ABCA10: variants seen among roughly 807,000 people sequenced by gnomAD.
ABCA10 encodes ATP-binding cassette sub-family A member 10.
Under a neutral mutation model 187.5 loss-of-function variants are expected in ABCA10, and 169 were observed. The observed-to-expected ratio is 0.90, with a 90% CI of 0.80 to 1.02. The LOEUF (loss-of-function observed/expected upper bound fraction) is 1.02. Ranked by LOEUF, ABCA10 falls within the 50% of genes least tolerant of loss-of-function variation. The probability of loss-of-function intolerance (pLI) is 0.00; values close to 1 mark genes in which losing one functional copy is unlikely to be tolerated. For synonymous variants in ABCA10, 574 were observed against 601.8 expected (o/e 0.95, Z 0.68); for missense variants, 1,727 against 1,812.4 (o/e 0.95, Z 0.86).
intron 9 of ABCA10, among the ~76,000 whole-genome samples, chr17:69,211,342 TATATATATATATATATATAC>T (rs775773570): frequency 0.54 from 68,357 of 125,660 alleles, 17,862 homozygotes; most frequent in Middle Eastern, 0.56. Flanking sequence ...TATATATATA[TATATATATATATATATATAC>T]ACACACACCA....
rs775945467 is a variant in ABCA10 at position 69,228,752 on chromosome 17, C to A, written c.-484G>T. Reference sequence around the variant, plus strand: ...AGCCATGGTCTGTGTGTAGAACATGCCAACAAATTCTGTTGGTTTTTTCCC... The same window carrying A: ...AGCCATGGTCTGTGTGTAGAACATGACAACAAATTCTGTTGGTTTTTTCCC... On this transcript the variant is annotated 5_prime_UTR_variant, in exon 1 of 39. Transcript: ENST00000690296. 6.6e-6 allele frequency: 1 copy of A among 151,884 alleles called. No individual in the cohort carries two copies. The highest frequency in any genetic ancestry group is 1.5e-5 in the Non-Finnish European group (1 of 67,888). 9.4% of individuals were successfully genotyped at this position (151,884 alleles called of 1,614,324 possible). A position where few individuals can be genotyped will look rare whatever the true frequency, so the allele number is the denominator to read the frequency against.
intron 27 of ABCA10, among the ~76,000 whole-genome samples, chr17:69,158,057 A>G (rs2074187652): frequency 6.6e-6 from 1 of 151,998 alleles, no homozygotes; most frequent in African/African-American, 2.4e-5. Flanking sequence ...ACTAGAAACA[A>G]ACAAAAGACA....
chr17:69,234,829 T>A (rs926533140), intron 1 of ABCA10: 2 of 152,354 alleles, frequency 1.3e-5, no homozygotes, highest in East Asian at 1.9e-4. Flanking sequence ...TTAATTACCA[T>A]TTTTAATGCT....
chr17:69,209,892 A>G (rs2074625133), intron 9 of ABCA10, among the ~76,000 whole-genome samples: 1 of 152,184 alleles, frequency 6.6e-6, no homozygotes, highest in South Asian at 2.1e-4. Flanking sequence ...ATATCTAAAC[A>G]TAGAAAAGGT....
intron 8 of ABCA10, among the ~76,000 whole-genome samples, 178 bp from the exon 9 acceptor site, chr17:69,215,029 C>T (rs2074693473): frequency 6.6e-6 from 1 of 151,852 alleles, no homozygotes; most frequent in African/African-American, 2.4e-5. Flanking sequence ...AGTATTCTCA[C>T]AAAATTTTAA....
Position 69,193,567 on chromosome 17 carries a change from T to C in ABCA10, c.1567A>G (p.Ile523Val). 2 of 1,612,400 alleles carry C rather than the reference T, an allele frequency of 1.2e-6. No homozygotes were observed. Among genetic ancestry groups the C allele is most frequent in the East Asian group, 2.2e-5 (1 of 44,792 alleles). ...MELDMQSIQD[I>V]IAKKLSGGQK... The stretch of plus-strand genomic sequence containing the variant: ...CCACCACTTAATTTTTTAGCAATAA[T>C]GTCTTGAATGCTTTGCATGTCTAAT... Residue 523 changes from isoleucine to valine, a missense_variant, in exon 14 of 39, where the codon ATT (isoleucine) becomes GTT (valine). By Grantham distance (29) the Ile-to-Val change is conservative (BLOSUM62 3). Coordinates refer to ENST00000690296, the MANE Select transcript of ABCA10 (RefSeq NM_001377321.1).
intron 37 of ABCA10, chr17:69,149,401 T>C (rs192542860): frequency 2.4e-5 from 7 of 288,192 alleles, no homozygotes; most frequent in Non-Finnish European, 3.9e-5. Context: ...TATTTGTAAA[T>C]CTACAGAGGA....
chr17:69,215,715 CA>C, intron 8 of ABCA10, 99 bp downstream of exon 8: 8 of 1,158,472 alleles, frequency 6.9e-6, no homozygotes, highest in Non-Finnish European at 9.1e-6. Context: ...TCTTAAAACA[CA>C]GAGTGGCTGA....
chr17:69,174,074 C>T (rs774144501), intron 25 of ABCA10, among the ~76,000 whole-genome samples: 3 of 151,770 alleles, frequency 2.0e-5, no homozygotes, highest in Admixed American at 1.3e-4. Context: ...AAAAAGAAAC[C>T]TCAAAGAACA....
rs538026312 is a variant in ABCA10 at position 69,163,404 on chromosome 17, G to C, written c.3363+670C>G. ...GCAATGAACATATATTCCCCAGCTG[G>C]ACAACTGTATGCCTTTAGAATTCAA... On this transcript the variant is annotated intron_variant, in intron 27 of 38. Transcript: ENST00000690296. Among the ~76,000 whole-genome samples the C allele has an allele frequency of 4.6e-5, 7 of 152,202 alleles. No individual in the cohort carries two copies. In the South Asian group the frequency reaches 1.2e-3, roughly 27 times the overall value.
At position 69,219,809 on chromosome 17, in the gene ABCA10, T is replaced by C. The variant is rs758762273; in HGVS notation, c.304-38A>G. On this transcript the variant is annotated intron_variant, in intron 5 of 38. Coordinates refer to ENST00000690296, the MANE Select transcript of ABCA10 (RefSeq NM_001377321.1). Reference sequence around the variant, plus strand: ...ATTAGCAAATTTATTATGTGAACTATAGACAAAATATATTAGAAAACTATA... The same window carrying C: ...ATTAGCAAATTTATTATGTGAACTACAGACAAAATATATTAGAAAACTATA... The C allele has an allele frequency of 1.0e-5, 14 of 1,340,712 alleles. No individual in the cohort carries two copies. The Admixed American group carries it at 2.7e-4, about 25-fold the overall frequency. The allele number at this position is 1,340,712 out of a possible 1,614,324, so 83.1% of individuals were successfully genotyped here.
rs150652931 is a variant in ABCA10 at position 69,218,693 on chromosome 17, G to GCTCT, written c.530+851_530+852insAGAG. 9.2e-3 allele frequency among the ~76,000 whole-genome samples: 1,398 copies of GCTCT among 152,250 alleles called. 15 individuals carry two copies. The highest frequency in any genetic ancestry group is 0.031 in the African/African-American group (1,285 of 41,528). ...TAAATGCATAGACTATATAGATGGAGAGAGATGTCTTTTACCATGCACTAA... is the reference window on the plus strand; with the variant it reads ...TAAATGCATAGACTATATAGATGGAGCTCTAGAGATGTCTTTTACCATGCACTAA... On this transcript the variant is annotated intron_variant, in intron 6 of 38. Transcript: ENST00000690296.
chr17:69,164,936 T>C, intron 26 of ABCA10, 28 bp downstream of exon 26: 1 of 1,609,362 alleles, frequency 6.2e-7, no homozygotes, highest in Non-Finnish European at 8.5e-7. Context: ...AGGTCAAGAC[T>C]GGAGACACAG....
intron 27 of ABCA10, among the ~76,000 whole-genome samples, chr17:69,162,865 GTC>G (rs1387727646): frequency 1.8e-5 from 1 of 54,262 alleles, no homozygotes; most frequent in Non-Finnish European, 4.3e-5. Context: ...ATGAGACGGA[GTC>G]TCTCTCTGTT....
In ABCA10 at chr17:69,193,174, C is replaced by T. The variant is rs1307155079; in HGVS notation, c.1716G>A (p.Glu572=). The T allele has an allele frequency of 6.2e-7, 1 of 1,613,994 alleles. No homozygotes were observed. Among genetic ancestry groups the T allele is most frequent in the African/African-American group, 1.3e-5 (1 of 74,936 alleles). Residue 572 remains glutamate, a synonymous_variant, in exon 15 of 39, where the codon GAG becomes GAA. Transcript: ENST00000690296. Reference sequence around the variant, plus strand: ...AGAGGATAAGTCGGTCTACTTTATGCTCCTTCAGGAGGCTCCACACTCGGT... The same window carrying T: ...AGAGGATAAGTCGGTCTACTTTATGTTCCTTCAGGAGGCTCCACACTCGGT... ...SRHRVWSLLK[E]HKVDRLILFS... is the part of the protein sequence containing the mutation.
intron 25 of ABCA10, among the ~76,000 whole-genome samples, chr17:69,168,577 A>G (rs1481444458): frequency 1.3e-5 from 2 of 152,236 alleles, no homozygotes; most frequent in South Asian, 2.1e-4. Flanking sequence ...GATACAAAAC[A>G]CTTTGTTAAA....
At chr17:69,188,555 A>G (rs1173565631) in intron 18 of ABCA10, among the ~76,000 whole-genome samples, 1 of 150,828 alleles carries the variant, frequency 6.6e-6, no homozygotes. Context: ...ACATGGGTAA[A>G]CTGTGTGTCA....
chr17:69,153,385 C>G lies in ABCA10; in HGVS notation c.4056G>C (p.Leu1352=), dbSNP rs938654051. 9 of 1,613,598 alleles carry G rather than the reference C, an allele frequency of 5.6e-6. No individual in the cohort carries two copies. The highest frequency in any genetic ancestry group is 6.8e-6 in the Non-Finnish European group (8 of 1,179,768). ...CCACTGATGGGTTCCCCAGGATGCT[C>G]AGCACAAAGCACAGCTGCAATGCAA... is the stretch of plus-strand genomic sequence containing the variant. ...EGIKRKLCFV[L]SILGNPSVVL... is the part of the protein sequence containing the mutation. The change falls in exon 34 of 39, where the codon CTG becomes CTC. Residue 1352 remains leucine, a synonymous_variant. Coordinates refer to ENST00000690296, the MANE Select transcript of ABCA10 (RefSeq NM_001377321.1).
chr17:69,219,144 G>T (rs1284136413), intron 6 of ABCA10, among the ~76,000 whole-genome samples: 1 of 152,082 alleles, frequency 6.6e-6, no homozygotes, highest in Non-Finnish European at 1.5e-5. Flanking sequence ...TAGCCTACTG[G>T]CCCAAGAAGG....
Sources: gnomAD v4.1 joint callset for allele counts (sites outside exome capture counted in the v4.1 genomes callset) on GRCh38, gnomAD v4.1.1 for gene constraint, MANE v1.5 for transcripts, NCBI Gene and HGNC (gene_info 2026-07-23, HGNC 2026-07-21) for gene names.